The following SPHKAP variants were observed in gnomAD, a reference collection of about 807,000 sequenced individuals.
The protein encoded by SPHKAP is A-kinase anchor protein SPHKAP.
A neutral mutation model predicts 137.5 loss-of-function variants in SPHKAP; 67 were observed. The observed-to-expected ratio is 0.49, with a 90% CI of 0.40 to 0.60. The LOEUF is 0.60. Ranked by LOEUF, SPHKAP falls within the 20% of genes least tolerant of loss-of-function variation. The probability of loss-of-function intolerance (pLI) is 0.00; values close to 1 mark genes in which losing one functional copy is unlikely to be tolerated. For synonymous variants in SPHKAP, 813 were observed against 785.3 expected, an observed-to-expected ratio of 1.04 and a Z score of -0.59; for missense variants, 2,097 against 2,069.3, an observed-to-expected ratio of 1.01 and a Z score of -0.26.
At chr2:228,078,034 C>T (rs1389936760) in intron 3 of SPHKAP, among the ~76,000 whole-genome samples, 1 of 152,196 alleles carries the variant, frequency 6.6e-6, no homozygotes, top group Non-Finnish European at 1.5e-5. Context: ...CTGCTGCCAT[C>T]CACATAAGGT....
At chr2:228,122,597 G>C (rs183150314) in intron 2 of SPHKAP, among the ~76,000 whole-genome samples, 2 of 152,288 alleles carry the variant, frequency 1.3e-5, no homozygotes, top group African/African-American at 4.8e-5. Flanking sequence ...ACATCTTCTA[G>C]AGGATGAGCT....
chr2:228,032,943 T>C (rs1695402550), intron 3 of SPHKAP, among the ~76,000 whole-genome samples: 1 of 152,022 alleles, frequency 6.6e-6, no homozygotes, highest in Non-Finnish European at 1.5e-5. Context: ...GTAAAGACCA[T>C]CGAGGCTAGG....
rs1437693804 is a variant in SPHKAP, at chr2:228,016,998, A to G, written c.3856T>C (p.Cys1286Arg). The G allele has an allele frequency of 6.2e-7, 1 of 1,614,070 alleles. No homozygotes were observed. ...CGATACAAGCAAGAGTCAGATTTGC[A>G]GAGACCGGATGAGGACGCGCTACTG... ...PVSSASSSGL[C>R]KSDSCLYRRG... The change falls in exon 7 of 12, where the codon TGC becomes CGC. Residue 1286 changes from cysteine (C) to arginine (R), a missense_variant. Coordinates refer to ENST00000392056, the MANE Select transcript of SPHKAP (RefSeq NM_001142644.2).
chr2:228,106,688 G>A (rs773964588), intron 3 of SPHKAP, among the ~76,000 whole-genome samples: 2 of 152,114 alleles, frequency 1.3e-5, no homozygotes, highest in Non-Finnish European at 2.9e-5. Flanking sequence ...TGAATTCCTT[G>A]TCCTAGTCCA....
chr2:228,151,844 G>T (rs1055036980), intron 1 of SPHKAP, among the ~76,000 whole-genome samples: 1 of 151,826 alleles, frequency 6.6e-6, no homozygotes, highest in African/African-American at 2.4e-5. Context: ...ATTATATTTA[G>T]CCTTTTTTTA....
chr2:227,993,740 G>C (rs554704703), intron 8 of SPHKAP, 120 bp from the exon 9 acceptor site: 3 of 831,248 alleles, frequency 3.6e-6, no homozygotes, highest in Non-Finnish European at 5.8e-6. Flanking sequence ...ATCGCTTTGT[G>C]CCTAGGACAC....
chr2:228,030,530 A>AC (rs1695259389), intron 3 of SPHKAP, among the ~76,000 whole-genome samples: 2 of 68,754 alleles, frequency 2.9e-5, no homozygotes, highest in East Asian at 4.1e-4. Flanking sequence ...AAAAAAAAAA[A>AC]AACAACAAAA....
At chr2:228,103,861 A>G (rs1235520656) in intron 3 of SPHKAP, among the ~76,000 whole-genome samples, 2 of 152,134 alleles carry the variant, frequency 1.3e-5, no homozygotes, top group Non-Finnish European at 2.9e-5. Flanking sequence ...GGTTTTATGT[A>G]TTTACATTCC....
intron 1 of SPHKAP, among the ~76,000 whole-genome samples, chr2:228,179,969 A>G (rs1188139179): frequency 6.6e-6 from 1 of 152,242 alleles, no homozygotes; most frequent in Non-Finnish European, 1.5e-5. Context: ...TTTCAATTCT[A>G]ATGACCATTT....
intron 3 of SPHKAP, among the ~76,000 whole-genome samples, chr2:228,052,240 C>T (rs1273046277): frequency 6.6e-6 from 1 of 151,154 alleles, no homozygotes; most frequent in African/African-American, 2.4e-5. Context: ...TTCAAGAAAT[C>T]CAACATCCAA....
In SPHKAP at chr2:228,016,894, C is replaced by T. The variant is rs376680063; in HGVS notation, c.3960G>A (p.Lys1320=). The T allele has an allele frequency of 2.5e-6, 4 of 1,614,106 alleles. No homozygotes were observed. The highest frequency in any genetic ancestry group is 2.5e-6 in the Non-Finnish European group (3 of 1,180,024). ...WASSIEALMR[K]NKIIVDDAEE... The stretch of plus-strand genomic sequence containing the variant: ...CTGCATCATCCACAATGATTTTGTT[C>T]TTGCGCATGAGAGCCTCAATGGAGC... The change falls in exon 7 of 12, where the codon AAG becomes AAA. Residue 1320 remains lysine, a synonymous_variant. Coordinates refer to ENST00000392056, the MANE Select transcript of SPHKAP (RefSeq NM_001142644.2).
chr2:228,090,372 G>C (rs536952398), intron 3 of SPHKAP, among the ~76,000 whole-genome samples: 1 of 152,206 alleles, frequency 6.6e-6, no homozygotes, highest in East Asian at 1.9e-4. Context: ...TATCTTGGAA[G>C]TAAATAACTT....
At chr2:228,110,617 T>A (rs751903987) in intron 2 of SPHKAP, among the ~76,000 whole-genome samples, 1 of 136,782 alleles carries the variant, frequency 7.3e-6, no homozygotes. Flanking sequence ...TTGATAATAA[T>A]ACTAAGATGT....
At chr2:228,122,835 T>C (rs1464094904) in intron 2 of SPHKAP, among the ~76,000 whole-genome samples, 4 of 152,180 alleles carry the variant, frequency 2.6e-5, no homozygotes, top group East Asian at 1.9e-4. Context: ...CCAGAGGGAA[T>C]GTGGTGGCTG....
Position 228,019,594 on chromosome 2 carries a change from G to T in SPHKAP, c.1260C>A (p.Val420=). The T allele has an allele frequency of 6.2e-7, 1 of 1,614,126 alleles. No homozygotes were observed. Among genetic ancestry groups the T allele is most frequent in the South Asian group, 1.1e-5 (1 of 91,070 alleles). The change falls in exon 7 of 12, where the codon GTC becomes GTA. Residue 420 remains valine (V), a synonymous_variant. Coordinates refer to ENST00000392056, the MANE Select transcript of SPHKAP (RefSeq NM_001142644.2). ...SQSTLPQESA[V]SVSVGSSLLP... ...GCAGAGAACTTCCTACAGAAACACT[G>T]ACTGCAGATTCCTGGGGTAATGTGG...
chr2:228,036,171 C>A (rs1322238737), intron 3 of SPHKAP, among the ~76,000 whole-genome samples: 1 of 149,752 alleles, frequency 6.7e-6, no homozygotes, highest in African/African-American at 2.5e-5. Context: ...ACAATGAACT[C>A]AAACAAATTT....
At chr2:228,020,247 T>C in intron 6 of SPHKAP, 91 bp from the exon 7 acceptor site, 5 of 1,492,020 alleles carry the variant, frequency 3.4e-6, no homozygotes, top group Non-Finnish European at 4.4e-6. Context: ...AAATAAAACA[T>C]CAATAAAGAC....
At chr2:228,061,799 G>A (rs752201192) in intron 3 of SPHKAP, among the ~76,000 whole-genome samples, 3 of 150,548 alleles carry the variant, frequency 2.0e-5, no homozygotes, top group Non-Finnish European at 4.4e-5. Flanking sequence ...AACAACATTA[G>A]CTGTGGCCAC....
At chr2:228,036,048 A>T (rs1203163263) in intron 3 of SPHKAP, among the ~76,000 whole-genome samples, 1 of 150,790 alleles carries the variant, frequency 6.6e-6, no homozygotes, top group Non-Finnish European at 1.5e-5. Flanking sequence ...TAATTAAACT[A>T]AAGAGCTTCT....
Sources: gnomAD v4.1 joint callset for allele counts (sites outside exome capture counted in the v4.1 genomes callset) on GRCh38, gnomAD v4.1.1 for gene constraint, MANE v1.5 for transcripts, NCBI Gene and HGNC (gene_info 2026-07-23, HGNC 2026-07-21) for gene names.